The following TRPM6 variants were observed in gnomAD, a reference collection of about 807,000 sequenced individuals.
TRPM6 encodes transient receptor potential cation channel subfamily M member 6.
Under a neutral mutation model 247.6 loss-of-function variants are expected in TRPM6, and 111 were observed. The observed-to-expected ratio is 0.45, with a 90% confidence interval of 0.38 to 0.52. The LOEUF (loss-of-function observed/expected upper bound fraction) is 0.52, where lower values mean the gene tolerates loss of function less well. Ranked by LOEUF, TRPM6 falls within the 20% of genes least tolerant of loss-of-function variation. The pLI is 0.00. For missense variants in TRPM6, 2,126 were observed against 2,421.5 expected (o/e 0.88, Z 2.56); for synonymous variants, 892 against 853.8 (o/e 1.04, Z -0.78).
intron 21 of TRPM6, 39 bp from the exon 22 acceptor site, chr9:74,782,892 A>G (rs1263282665): frequency 6.2e-7 from 1 of 1,602,534 alleles, no homozygotes; most frequent in Non-Finnish European, 8.5e-7. Context: ...TTTACCACAG[A>G]TTTGAAGTTC....
chr9:74,804,147 C>G (rs1313263761), intron 14 of TRPM6, among the ~76,000 whole-genome samples: 1 of 152,148 alleles, frequency 6.6e-6, no homozygotes, highest in Non-Finnish European at 1.5e-5. Flanking sequence ...CTTTTGTTCC[C>G]TATTATATAT....
chr9:74,735,793 G>A (rs1032195761), intron 36 of TRPM6, among the ~76,000 whole-genome samples: 1 of 152,144 alleles, frequency 6.6e-6, no homozygotes, highest in Admixed American at 6.5e-5. Context: ...TTGGAAATTG[G>A]TCAGGTCTCT....
At chr9:74,778,744 G>A (rs1215403392) in intron 23 of TRPM6, among the ~76,000 whole-genome samples, 3 of 152,162 alleles carry the variant, frequency 2.0e-5, no homozygotes, top group African/African-American at 7.2e-5. Flanking sequence ...CACCCCTTGG[G>A]CTGCTCTACA....
intron 24 of TRPM6, among the ~76,000 whole-genome samples, chr9:74,772,192 T>C (rs1166596215): frequency 6.6e-6 from 1 of 152,116 alleles, no homozygotes; most frequent in African/African-American, 2.4e-5. Context: ...GGCAGAAGGA[T>C]GGCTTGAGCC....
At chr9:74,823,883 C>T (rs1829223383) in intron 7 of TRPM6, among the ~76,000 whole-genome samples, 1 of 151,956 alleles carries the variant, frequency 6.6e-6, no homozygotes, top group African/African-American at 2.4e-5. Context: ...ATTATGAAAT[C>T]ACCCCAGTTT....
At chr9:74,794,802 G>A (rs982378100) in intron 18 of TRPM6, among the ~76,000 whole-genome samples, 9 of 151,976 alleles carry the variant, frequency 5.9e-5, no homozygotes, top group Non-Finnish European at 1.0e-4. Flanking sequence ...TTACTGAGAA[G>A]AAGGTAAAGA....
In TRPM6 at chr9:74,782,863, A is replaced by G; in HGVS notation, c.2920-10T>C. 1.2e-6 allele frequency: 2 copies of G among 1,613,866 alleles called. No homozygotes were observed. The highest frequency in any genetic ancestry group is 1.7e-6 in the Non-Finnish European group (2 of 1,179,844). On this transcript the variant is annotated splice_polypyrimidine_tract_variant and intron_variant, in intron 21 of 38. Coordinates refer to ENST00000360774, the MANE Select transcript of TRPM6 (RefSeq NM_017662.5). ...AGAACATGTTTGCTGTCTGCAAAAG[A>G]GCATAGTACAACCAGAATTTTACCA...
intron 37 of TRPM6, among the ~76,000 whole-genome samples, chr9:74,729,825 C>G (rs1262518634): frequency 1.3e-5 from 2 of 152,174 alleles, no homozygotes; most frequent in Non-Finnish European, 2.9e-5. Flanking sequence ...TAGACTATTT[C>G]ACTCATTTGC....
intron 13 of TRPM6, among the ~76,000 whole-genome samples, chr9:74,810,008 A>T (rs982907547): frequency 4.1e-5 from 6 of 148,120 alleles, no homozygotes; most frequent in African/African-American, 9.8e-5. Flanking sequence ...AAAAACAAGG[A>T]TATGTCTTCC....
chr9:74,796,624 A>G, intron 18 of TRPM6, 117 bp downstream of exon 18: 12 of 1,048,204 alleles, frequency 1.1e-5, no homozygotes, highest in Non-Finnish European at 1.8e-5. Context: ...ACAGGCCTGA[A>G]ATATAGGCAA....
chr9:74,769,196 A>G (rs764090065), intron 25 of TRPM6, among the ~76,000 whole-genome samples: 5 of 152,144 alleles, frequency 3.3e-5, no homozygotes, highest in Non-Finnish European at 5.9e-5. Context: ...CCCAGGCTGG[A>G]GTGCAGTGGT....
At chr9:74,781,755 C>T (rs1420020154) in intron 23 of TRPM6, among the ~76,000 whole-genome samples, 2 of 152,128 alleles carry the variant, frequency 1.3e-5, no homozygotes, top group Non-Finnish European at 2.9e-5. Flanking sequence ...ATAATTCGAA[C>T]TTACTGCCTA....
chr9:74,817,336 G>C (rs1469525319), intron 9 of TRPM6, among the ~76,000 whole-genome samples: 1 of 152,116 alleles, frequency 6.6e-6, no homozygotes, highest in East Asian at 1.9e-4. Flanking sequence ...TGGAAACTAA[G>C]ACTTTTGCTT....
Position 74,802,532 on chromosome 9 carries a change from TA to T in TRPM6, c.1732-358del, listed in dbSNP as rs1828381969. 3.3e-5 allele frequency among the ~76,000 whole-genome samples: 5 copies of T among 152,142 alleles called. No homozygotes were observed. The South Asian group carries it at 1.0e-3, about 32-fold the overall frequency. ...AATGGTTCCATCTTCCTCAAAGTAA[TA>T]ACCACAGAGCAGTACGATGAGTGCT... On this transcript the variant is annotated intron_variant, in intron 15 of 38. Coordinates refer to ENST00000360774, the MANE Select transcript of TRPM6 (RefSeq NM_017662.5).
chr9:74,871,073 CCAA>C (rs1314787552), intron 1 of TRPM6, among the ~76,000 whole-genome samples: 1 of 152,122 alleles, frequency 6.6e-6, no homozygotes, highest in East Asian at 1.9e-4. Flanking sequence ...CAAAAAACAA[CCAA>C]AACAGATAGT....
intron 36 of TRPM6, among the ~76,000 whole-genome samples, chr9:74,733,733 C>G (rs190876530): frequency 6.6e-6 from 1 of 151,710 alleles, no homozygotes; most frequent in Non-Finnish European, 1.5e-5. Flanking sequence ...TAATTTTGCA[C>G]TTTTAGTAGA....
intron 1 of TRPM6, chr9:74,887,120 G>T: frequency 1.6e-6 from 1 of 614,332 alleles, no homozygotes; most frequent in Non-Finnish European, 2.4e-6. Flanking sequence ...AGAACTTCCT[G>T]TTGCGCCATA....
intron 8 of TRPM6, among the ~76,000 whole-genome samples, chr9:74,820,688 G>A (rs1829105641): frequency 6.6e-6 from 1 of 152,104 alleles, no homozygotes; most frequent in Admixed American, 6.5e-5. Context: ...ATCACTTGAG[G>A]CCAGGAGTTC....
At chr9:74,826,209 C>T (rs908839426) in intron 7 of TRPM6, among the ~76,000 whole-genome samples, 3 of 152,198 alleles carry the variant, frequency 2.0e-5, no homozygotes, top group Admixed American at 6.5e-5. Context: ...AAACGTTAGA[C>T]GTAGATAGTT....
Sources: gnomAD v4.1 joint callset for allele counts (sites outside exome capture counted in the v4.1 genomes callset) on GRCh38, gnomAD v4.1.1 for gene constraint, MANE v1.5 for transcripts, NCBI Gene and HGNC (gene_info 2026-07-23, HGNC 2026-07-21) for gene names.